DNAH9: variants seen among roughly 807,000 people sequenced by gnomAD.
The protein encoded by DNAH9 is dynein axonemal heavy chain 9.
A neutral mutation model predicts 471.6 loss-of-function variants in DNAH9; 345 were observed. That is an observed-to-expected ratio of 0.73 (90% confidence interval 0.67 to 0.80). DNAH9 has a LOEUF of 0.80. Ranked by LOEUF, DNAH9 falls within the 30% of genes least tolerant of loss-of-function variation. DNAH9 has a pLI of 0.00. For synonymous variants in DNAH9, 2,093 were observed against 2,123.6 expected, an observed-to-expected ratio of 0.99 and a Z score of 0.40; for missense variants, 5,407 against 5,609.2, an observed-to-expected ratio of 0.96 and a Z score of 1.15.
At chr17:11,864,840 A>G (rs4381634) in intron 50 of DNAH9, among the ~76,000 whole-genome samples, 136,468 of 150,748 alleles carry the variant, frequency 0.91, 62,279 homozygotes, top group Non-Finnish European at 0.95. Flanking sequence ...GACTAGGATT[A>G]CAACCCCTGC....
chr17:11,640,249 C>T, intron 9 of DNAH9, 21 bp from the exon 10 acceptor site: 1 of 1,525,102 alleles, frequency 6.6e-7, no homozygotes, highest in Non-Finnish European at 9.0e-7. Flanking sequence ...TCATTTCGGT[C>T]TGTCTGTGCC....
At chr17:11,954,785 AAAAG>A (rs945543095) in intron 67 of DNAH9, among the ~76,000 whole-genome samples, 11 of 145,444 alleles carry the variant, frequency 7.6e-5, no homozygotes, top group African/African-American at 1.7e-4. Context: ...AAAAAAAAAA[AAAAG>A]AGAGAGAAAG....
chr17:11,697,471 A>G (rs566855929), intron 22 of DNAH9, among the ~76,000 whole-genome samples: 3 of 152,328 alleles, frequency 2.0e-5, no homozygotes, highest in Admixed American at 1.3e-4. Context: ...TAAAATTTAA[A>G]TTAATTTCTA....
chr17:11,661,211 AT>A (rs890050929), intron 14 of DNAH9, among the ~76,000 whole-genome samples: 2 of 151,252 alleles, frequency 1.3e-5, no homozygotes, highest in Admixed American at 6.6e-5. Flanking sequence ...TTTGAAATCT[AT>A]TTTTTTCTGA....
At chr17:11,774,354 A>C (rs568386610) in intron 38 of DNAH9, among the ~76,000 whole-genome samples, 6 of 152,196 alleles carry the variant, frequency 3.9e-5, no homozygotes, top group African/African-American at 1.4e-4. Context: ...ACTTACTTGC[A>C]TTAGTCTGTT....
At chr17:11,660,732 A>T (rs2073746253) in intron 14 of DNAH9, among the ~76,000 whole-genome samples, 1 of 152,138 alleles carries the variant, frequency 6.6e-6, no homozygotes, top group South Asian at 2.1e-4. Context: ...ATTTAATTCT[A>T]TTGTGCTCAG....
chr17:11,881,844 G>A (rs929741528), intron 55 of DNAH9, among the ~76,000 whole-genome samples: 1 of 152,090 alleles, frequency 6.6e-6, no homozygotes, highest in Non-Finnish European at 1.5e-5. Flanking sequence ...CCCGGGAGAC[G>A]GAGGTTGCAG....
chr17:11,739,642 C>T (rs544234370), intron 29 of DNAH9, among the ~76,000 whole-genome samples: 1 of 152,280 alleles, frequency 6.6e-6, no homozygotes, highest in East Asian at 1.9e-4. Context: ...AATTACACTC[C>T]TCGTAGCGAC....
Position 11,891,908 on chromosome 17 carries a change from G to C in DNAH9, c.11244G>C (p.Glu3748Asp), listed in dbSNP as rs1226562169. 1 of 1,614,102 alleles carries C rather than the reference G, an allele frequency of 6.2e-7. No individual in the cohort carries two copies. Among genetic ancestry groups the C allele is most frequent in the Non-Finnish European group, 8.5e-7 (1 of 1,179,966 alleles). ...VYQYTIRGLF[E>D]CDKLTYLAQL... Reference sequence around the variant, plus strand: ...AGTACACCATCCGCGGGCTCTTTGAGTGTGATAAGCTGACCTACCTTGCCC... The same window carrying C: ...AGTACACCATCCGCGGGCTCTTTGACTGTGATAAGCTGACCTACCTTGCCC... The change falls in exon 58 of 69, where the codon GAG becomes GAC. Residue 3748 changes from glutamate to aspartate, a missense_variant. This residue lies in a region of DNAH9 where 4,636 missense variants were observed against 4,900.3 expected (regional missense o/e 0.95). Transcript: ENST00000262442.
chr17:11,785,763 G>T (rs1420525669), intron 41 of DNAH9, among the ~76,000 whole-genome samples: 2 of 152,212 alleles, frequency 1.3e-5, no homozygotes, highest in African/African-American at 4.8e-5. Flanking sequence ...GCACAAGGAA[G>T]CCAGTAAAGG....
Position 11,670,205 on chromosome 17 carries a change from A to G in DNAH9, c.3353+411A>G, listed in dbSNP as rs59331122. 6.0e-4 allele frequency among the ~76,000 whole-genome samples: 92 copies of G among 152,244 alleles called. 1 individual carries two copies. The highest frequency in any genetic ancestry group is 2.2e-3 in the African/African-American group (90 of 41,546). The stretch of plus-strand genomic sequence containing the variant: ...TATCCAGCTGGGCAATATGGATGTC[A>G]CTAAAACTCTGTGCTCCTGACTGCT... On this transcript the variant is annotated intron_variant, in intron 17 of 68. Transcript: ENST00000262442.
intron 49 of DNAH9, among the ~76,000 whole-genome samples, chr17:11,849,959 G>C (rs1450545114): frequency 6.6e-6 from 1 of 152,076 alleles, no homozygotes; most frequent in East Asian, 1.9e-4. Flanking sequence ...TCCTATGCCA[G>C]GCACTGCTCT....
chr17:11,852,345 C>A (rs745484682), intron 49 of DNAH9, among the ~76,000 whole-genome samples: 1 of 152,118 alleles, frequency 6.6e-6, no homozygotes, highest in African/African-American at 2.4e-5. Context: ...GGGAGCTGGG[C>A]GTGGGAGTCT....
intron 35 of DNAH9, among the ~76,000 whole-genome samples, chr17:11,762,361 C>T (rs886315635): frequency 2.0e-5 from 3 of 152,016 alleles, no homozygotes; most frequent in Non-Finnish European, 2.9e-5. Context: ...TGTGTGGGTA[C>T]GTGGTGTGCT....
At chr17:11,861,040 T>TA (rs1213828893) in intron 50 of DNAH9, among the ~76,000 whole-genome samples, 2 of 151,882 alleles carry the variant, frequency 1.3e-5, no homozygotes, top group African/African-American at 4.8e-5. Flanking sequence ...TTTTTTTTTT[T>TA]TATACTTTAA....
chr17:11,710,431 C>T (rs1271417574), intron 26 of DNAH9, among the ~76,000 whole-genome samples: 3 of 152,058 alleles, frequency 2.0e-5, no homozygotes. Context: ...TCAAATCGTT[C>T]GTGAAAAACT....
At chr17:11,719,205 G>A (rs921167851) in intron 26 of DNAH9, 129 bp from the exon 27 acceptor site, 40 of 863,172 alleles carry the variant, frequency 4.6e-5, no homozygotes, top group Non-Finnish European at 6.2e-5. Flanking sequence ...GCTGTGGGGA[G>A]CGGGAAAAAG....
At chr17:11,776,066 A>T (rs1034444811) in intron 38 of DNAH9, among the ~76,000 whole-genome samples, 39 of 152,152 alleles carry the variant, frequency 2.6e-4, no homozygotes, top group Non-Finnish European at 3.4e-4. Context: ...CACACACTTT[A>T]ATGTTTACAG....
intron 38 of DNAH9, among the ~76,000 whole-genome samples, chr17:11,771,003 C>A (rs1444593602): frequency 6.6e-6 from 1 of 152,128 alleles, no homozygotes; most frequent in Non-Finnish European, 1.5e-5. Context: ...TTCACAGATA[C>A]AATGGATGAA....
Sources: allele counts gnomAD v4.1 joint callset (sites outside exome capture counted in the v4.1 genomes callset), GRCh38; gene constraint gnomAD v4.1.1; regional missense constraint gnomAD v4.1.1; transcripts MANE v1.5; gene names NCBI Gene and HGNC (gene_info 2026-07-23, HGNC 2026-07-21).